The following CDH12 variants were observed in gnomAD, a reference collection of about 807,000 sequenced individuals.
CDH12 encodes cadherin-12.
In CDH12, 41 loss-of-function variants were observed where a neutral mutation model predicts 74.1. That is an observed-to-expected ratio of 0.55 (90% CI 0.43 to 0.72). CDH12 has a LOEUF of 0.72. Ranked by LOEUF, CDH12 falls within the 30% of genes least tolerant of loss-of-function variation. The pLI is 0.00. For missense variants in CDH12, 945 were observed against 977.2 expected (o/e 0.97, Z 0.44); for synonymous variants, 399 against 355.0 (o/e 1.12, Z -1.39).
At chr5:22,015,629 T>C (rs534812152) in intron 5 of CDH12, among the ~76,000 whole-genome samples, 47 of 152,280 alleles carry the variant, frequency 3.1e-4, no homozygotes, top group African/African-American at 1.1e-3. Context: ...ACATTAAGAC[T>C]GCAAATGACT....
At chr5:22,549,016 T>C (rs1738449550) in intron 1 of CDH12, among the ~76,000 whole-genome samples, 1 of 152,150 alleles carries the variant, frequency 6.6e-6, no homozygotes, top group Admixed American at 6.6e-5. Context: ...CATAGCTCAC[T>C]GCAGTCTTGA....
At chr5:21,902,929 C>T (rs1315983145) in intron 6 of CDH12, among the ~76,000 whole-genome samples, 1 of 151,968 alleles carries the variant, frequency 6.6e-6, no homozygotes, top group Non-Finnish European at 1.5e-5. Flanking sequence ...CCCATGAAAA[C>T]ATTAGGAAAA....
chr5:21,871,045 A>C (rs182443107), intron 6 of CDH12, among the ~76,000 whole-genome samples: 105 of 152,350 alleles, frequency 6.9e-4, no homozygotes, highest in African/African-American at 2.4e-3. Flanking sequence ...AGAATGACTA[A>C]CAACACCAAT....
At chr5:22,526,432 G>A (rs975239354) in intron 1 of CDH12, among the ~76,000 whole-genome samples, 4 of 152,192 alleles carry the variant, frequency 2.6e-5, no homozygotes, top group African/African-American at 9.6e-5. Flanking sequence ...CAATGAAGGT[G>A]TATTTCCAGC....
intron 6 of CDH12, among the ~76,000 whole-genome samples, chr5:21,873,214 T>C (rs906175570): frequency 3.9e-5 from 6 of 152,128 alleles, no homozygotes; most frequent in Admixed American, 6.5e-5. Context: ...TATCACCATC[T>C]CCATTATACC....
chr5:22,239,505 C>T (rs1580436538), intron 3 of CDH12, among the ~76,000 whole-genome samples: 2 of 151,590 alleles, frequency 1.3e-5, no homozygotes, highest in East Asian at 1.9e-4. Context: ...TGTTAAAATA[C>T]ATGAAAATTA....
At chr5:22,754,435 G>A (rs137890082) in intron 1 of CDH12, among the ~76,000 whole-genome samples, 2 of 152,276 alleles carry the variant, frequency 1.3e-5, no homozygotes, top group African/African-American at 4.8e-5. Context: ...GAGTAATACA[G>A]ATGGTGGGAA....
intron 10 of CDH12, 43 bp from the exon 11 acceptor site, chr5:21,783,537 A>T (rs772233453): frequency 6.9e-7 from 1 of 1,452,770 alleles, no homozygotes; most frequent in Non-Finnish European, 9.6e-7. Flanking sequence ...ATGATTACAC[A>T]TTAATCATAA....
intron 5 of CDH12, among the ~76,000 whole-genome samples, chr5:21,977,162 T>A (rs1580056776): frequency 6.6e-6 from 1 of 152,064 alleles, no homozygotes; most frequent in East Asian, 1.9e-4. Context: ...GTGGCAACAA[T>A]AAGAGGGAAC....
intron 1 of CDH12, among the ~76,000 whole-genome samples, chr5:22,841,159 T>C (rs1737064459): frequency 1.3e-5 from 2 of 152,090 alleles, no homozygotes; most frequent in African/African-American, 4.8e-5. Flanking sequence ...GAAGCAGTAA[T>C]TTGGATAAGC....
At chr5:22,026,609 T>G (rs1480320124) in intron 5 of CDH12, among the ~76,000 whole-genome samples, 1 of 152,164 alleles carries the variant, frequency 6.6e-6, no homozygotes, top group African/African-American at 2.4e-5. Flanking sequence ...TCATTATGCT[T>G]CTAATGAGTT....
At chr5:22,649,133 A>C (rs1053312465) in intron 1 of CDH12, among the ~76,000 whole-genome samples, 1 of 152,022 alleles carries the variant, frequency 6.6e-6, no homozygotes, top group Non-Finnish European at 1.5e-5. Context: ...AATGAGGACT[A>C]AGGTCTTGGA....
intron 1 of CDH12, among the ~76,000 whole-genome samples, chr5:22,580,991 G>A (rs1395575980): frequency 6.6e-6 from 1 of 152,116 alleles, no homozygotes; most frequent in Non-Finnish European, 1.5e-5. Context: ...AAGGCATTTG[G>A]TTTTATCAAA....
intron 10 of CDH12, among the ~76,000 whole-genome samples, chr5:21,793,321 G>GT (rs1280224453): frequency 3.3e-5 from 5 of 151,522 alleles, no homozygotes; most frequent in Non-Finnish European, 7.4e-5. Context: ...TATACAGGGA[G>GT]TTTTTTTCAA....
intron 1 of CDH12, among the ~76,000 whole-genome samples, chr5:22,531,287 C>T (rs776640011): frequency 2.0e-5 from 3 of 152,102 alleles, no homozygotes; most frequent in Non-Finnish European, 4.4e-5. Context: ...AGAGTTTTCA[C>T]AGATGCCATA....
intron 5 of CDH12, among the ~76,000 whole-genome samples, chr5:22,052,886 C>T (rs1419332265): frequency 6.6e-6 from 1 of 151,976 alleles, no homozygotes; most frequent in Non-Finnish European, 1.5e-5. Context: ...GAGCAGAGTT[C>T]AAAATCTCTT....
At chr5:22,317,611 C>T (rs1403898979) in intron 3 of CDH12, among the ~76,000 whole-genome samples, 2 of 152,028 alleles carry the variant, frequency 1.3e-5, no homozygotes, top group African/African-American at 2.4e-5. Context: ...GTTGTTTTCA[C>T]TTAAAAGGGG....
intron 6 of CDH12, among the ~76,000 whole-genome samples, chr5:21,931,045 G>A (rs1754813836): frequency 6.6e-6 from 1 of 152,236 alleles, no homozygotes; most frequent in South Asian, 2.1e-4. Flanking sequence ...TGCTCTCAGT[G>A]TTAATGTTAA....
chr5:22,110,787 T>A (rs529080832), intron 4 of CDH12, among the ~76,000 whole-genome samples: 1 of 152,300 alleles, frequency 6.6e-6, no homozygotes, highest in South Asian at 2.1e-4. Context: ...CAGGCTCCTC[T>A]ATCCTCCTAG....
Sources: allele counts gnomAD v4.1 joint callset (sites outside exome capture counted in the v4.1 genomes callset), GRCh38; gene constraint gnomAD v4.1.1; transcripts MANE v1.5; gene names NCBI Gene and HGNC (gene_info 2026-07-23, HGNC 2026-07-21).